TRMT1L: variants seen among roughly 807,000 people sequenced by gnomAD.
TRMT1L encodes the protein tRNA (guanine(27)-N(2))-dimethyltransferase.
In TRMT1L, 28 loss-of-function variants were observed where a neutral mutation model predicts 81.6. That is an observed-to-expected ratio of 0.34 (90% CI 0.25 to 0.47). TRMT1L has a LOEUF of 0.47. Ranked by LOEUF, TRMT1L falls within the 20% of genes least tolerant of loss-of-function variation. TRMT1L has a pLI of 1.00. For missense variants in TRMT1L, 739 were observed against 877.1 expected (o/e 0.84, Z 1.99); for synonymous variants, 301 against 303.2 (o/e 0.99, Z 0.07).
intron 2 of TRMT1L, 130 bp downstream of exon 2, chr1:185,151,695 A>C (rs1653354663): frequency 2.0e-6 from 1 of 511,542 alleles, no homozygotes. Flanking sequence ...TGAATAAAAA[A>C]CTGTATTTTA....
At chr1:185,132,419 T>A (rs1165582361) in intron 10 of TRMT1L, among the ~76,000 whole-genome samples, 3 of 151,774 alleles carry the variant, frequency 2.0e-5, no homozygotes, top group African/African-American at 7.3e-5. Context: ...CTCAGGAGGC[T>A]GAGTCACGAG....
At chr1:185,139,950 C>T in intron 8 of TRMT1L, 23 bp downstream of exon 8, 1 of 1,585,396 alleles carries the variant, frequency 6.3e-7, no homozygotes, top group East Asian at 2.3e-5. Flanking sequence ...TAGAAAGTGA[C>T]ACGGCAAGTC....
rs529550135 is a variant in TRMT1L at position 185,126,178 on chromosome 1, G to T, written c.1593-1068C>A. Among the ~76,000 whole-genome samples, 7 of 152,294 alleles carry T rather than the reference G, an allele frequency of 4.6e-5. No homozygotes were observed. In the East Asian group the frequency reaches 1.3e-3, roughly 29 times the overall value. ...ATTCCTGGGCTCAAGGGATCCTCCT[G>T]CCTCAGCCTCCTGAGTAGGTGGGAC... is the stretch of plus-strand genomic sequence containing the variant. On this transcript the variant is annotated intron_variant, in intron 11 of 14. Coordinates refer to ENST00000367506, the MANE Select transcript of TRMT1L (RefSeq NM_030934.5).
intron 1 of TRMT1L, among the ~76,000 whole-genome samples, 185 bp from the exon 2 acceptor site, chr1:185,152,120 C>A (rs1485830615): frequency 1.3e-5 from 2 of 152,110 alleles, no homozygotes; most frequent in Admixed American, 6.5e-5. Context: ...GGGGGAGACC[C>A]CACTGTATAA....
rs1321656975 is a variant in TRMT1L, at chr1:185,119,696, G to A, written c.*323C>T. 9.9e-6 allele frequency: 2 copies of A among 202,972 alleles called. No individual in the cohort carries two copies. The highest frequency in any genetic ancestry group is 2.0e-5 in the Non-Finnish European group (2 of 100,294). 12.6% of individuals were successfully genotyped at this position (202,972 alleles called of 1,614,324 possible). A position where few individuals can be genotyped will look rare whatever the true frequency, so the allele number is the denominator to read the frequency against. On this transcript the variant is annotated 3_prime_UTR_variant, in exon 15 of 15. Transcript: ENST00000367506. ...GATGTGATTAAGAATTGTAAAAGAT[G>A]GCTTTCATAACATACATAAAATTCC...
chr1:185,146,046 C>T (rs1385361010), intron 4 of TRMT1L, among the ~76,000 whole-genome samples: 2 of 151,888 alleles, frequency 1.3e-5, no homozygotes, highest in African/African-American at 4.8e-5. Context: ...ATTATTACAC[C>T]ATTACAGAGC....
intron 2 of TRMT1L, 55 bp from the exon 3 acceptor site, chr1:185,150,547 G>T: frequency 7.9e-7 from 1 of 1,267,278 alleles, no homozygotes; most frequent in Non-Finnish European, 1.1e-6. Flanking sequence ...ATTAATGCCT[G>T]GATTCAACTA....
Position 185,120,268 on chromosome 1 carries a change from T to C in TRMT1L, c.1953A>G (p.Leu651=). Residue 651 remains leucine (L), a synonymous_variant, in exon 15 of 15, where the codon TTA becomes TTG. Transcript: ENST00000367506. ...HSIKGMNMPK[L]KKFLCYLSQA... ...GAGATAAATAGCACAAAAACTTTTT[T>C]AACCTGCAAAAAGGAAAGGAAAGAA... 1 of 1,545,468 alleles carries C rather than the reference T, an allele frequency of 6.5e-7. No individual in the cohort carries two copies. The highest frequency in any genetic ancestry group is 8.7e-7 in the Non-Finnish European group (1 of 1,146,106).
intron 12 of TRMT1L, among the ~76,000 whole-genome samples, chr1:185,124,556 G>A (rs866779059): frequency 1.3e-4 from 19 of 151,910 alleles, no homozygotes; most frequent in African/African-American, 4.4e-4. Context: ...CAGGTGTGGT[G>A]TGCATGCTTG....
At chr1:185,132,984 G>A (rs541879908) in intron 10 of TRMT1L, among the ~76,000 whole-genome samples, 64 of 152,252 alleles carry the variant, frequency 4.2e-4, no homozygotes, top group Non-Finnish European at 7.6e-4. Flanking sequence ...GATTTCAGCA[G>A]ATACAGAAAA....
rs577602554 is a variant in TRMT1L at position 185,119,194 on chromosome 1, G to A, written c.*825C>T. ...CCCAAAAACTCTCATTCCATAAGGT[G>A]ACAAATTTTACTTCTGAGAGGTAGT... On this transcript the variant is annotated 3_prime_UTR_variant, in exon 15 of 15. Coordinates refer to ENST00000367506, the MANE Select transcript of TRMT1L (RefSeq NM_030934.5). The A allele has an allele frequency of 1.3e-5, 2 of 152,088 alleles. No individual in the cohort carries two copies. Among genetic ancestry groups the A allele is most frequent in the African/African-American group, 4.8e-5 (2 of 41,530 alleles). The allele number at this position is 152,088 out of a possible 1,614,324, so 9.4% of individuals were successfully genotyped here.
At chr1:185,144,544 A>C (rs1290462648) in intron 5 of TRMT1L, among the ~76,000 whole-genome samples, 2 of 152,004 alleles carry the variant, frequency 1.3e-5, no homozygotes, top group Non-Finnish European at 2.9e-5. Context: ...AATGATTTCA[A>C]GTCACAAATT....
intron 1 of TRMT1L, among the ~76,000 whole-genome samples, chr1:185,153,630 C>T (rs780435682): frequency 9.2e-5 from 14 of 151,524 alleles, no homozygotes; most frequent in Admixed American, 2.0e-4. Flanking sequence ...AGAAGTTTGA[C>T]GGTATAAAAA....
intron 10 of TRMT1L, 91 bp downstream of exon 10, chr1:185,137,515 T>G (rs1466818221): frequency 7.6e-7 from 1 of 1,314,020 alleles, no homozygotes; most frequent in African/African-American, 1.5e-5. Flanking sequence ...ATCTTTAAAA[T>G]CAAAGGACAA....
At chr1:185,147,136 TA>T in intron 4 of TRMT1L, 45 bp downstream of exon 4, 2 of 1,378,090 alleles carry the variant, frequency 1.5e-6, no homozygotes, top group Non-Finnish European at 2.0e-6. Context: ...ATGCTTTCTT[TA>T]AAAAGGACTA....
At chr1:185,157,005 T>G (rs1653632693), upstream of TRMT1L, 1 of 419,794 alleles carries the variant, frequency 2.4e-6, no homozygotes, top group Non-Finnish European at 4.3e-6. Flanking sequence ...TCCAATTGGG[T>G]AAGAGGGTTC....
In TRMT1L at chr1:185,156,761, A is replaced by T. The variant is rs1653611699; in HGVS notation, c.-49T>A. The T allele has an allele frequency of 1.2e-6, 2 of 1,606,786 alleles. No homozygotes were observed. The highest frequency in any genetic ancestry group is 1.7e-6 in the Non-Finnish European group (2 of 1,177,328). On this transcript the variant is annotated 5_prime_UTR_variant, in exon 1 of 15. Transcript: ENST00000367506. Reference sequence around the variant, plus strand: ...CGCCCGGGGACCCGGAGCGGGGCTCACGGCGGGGTCAGAGAACTGACGTGA... The same window carrying T: ...CGCCCGGGGACCCGGAGCGGGGCTCTCGGCGGGGTCAGAGAACTGACGTGA...
rs184567628 is a variant in TRMT1L, at chr1:185,143,710, C to T, written c.779+196G>A. On this transcript the variant is annotated intron_variant, in intron 6 of 14. Coordinates refer to ENST00000367506, the MANE Select transcript of TRMT1L (RefSeq NM_030934.5). ...CTTGTTCAGTAATTATATAAAGTTA[C>T]GCCTATCTTATTCTCTGATAAAGAC... 2.8e-4 allele frequency among the ~76,000 whole-genome samples: 42 copies of T among 152,072 alleles called. No individual in the cohort carries two copies. The East Asian group carries it at 4.4e-3, about 16-fold the overall frequency.
rs1439142134 is a variant in TRMT1L at position 185,156,890 on chromosome 1, A to T, written c.-178T>A. ...ACCAGTGACCAAATCCTGTTAGTAG[A>T]AAACAGAAAGCCAGAGGCAGCGATT... On this transcript the variant is annotated 5_prime_UTR_variant, in exon 1 of 15. Transcript: ENST00000367506. 1.1e-6 allele frequency: 1 copy of T among 871,874 alleles called. No individual in the cohort carries two copies. The highest frequency in any genetic ancestry group is 1.7e-6 in the Non-Finnish European group (1 of 602,424). 54.0% of individuals were successfully genotyped at this position (871,874 alleles called of 1,614,324 possible).
Sources: gnomAD v4.1 joint callset for allele counts (sites outside exome capture counted in the v4.1 genomes callset) on GRCh38, gnomAD v4.1.1 for gene constraint, MANE v1.5 for transcripts, NCBI Gene and HGNC (gene_info 2026-07-23, HGNC 2026-07-21) for gene names.